The following IL1RAPL1 variants were observed in gnomAD, a reference collection of about 807,000 sequenced individuals.
The protein encoded by IL1RAPL1 is interleukin 1 receptor accessory protein like 1, also known as interleukin-1 receptor accessory protein-like 1.
A neutral mutation model predicts 48.4 loss-of-function variants in IL1RAPL1; 3 were observed. The observed-to-expected ratio is 0.06, with a 90% CI of 0.03 to 0.16. The LOEUF is 0.16. IL1RAPL1 is among the 10% of genes least tolerant of loss of function. IL1RAPL1 has a pLI of 1.00. For synonymous variants in IL1RAPL1, 185 were observed against 187.7 expected (o/e 0.99, Z 0.12); for missense variants, 349 against 530.6 (o/e 0.66, Z 3.36).
intron 6 of IL1RAPL1, among the ~76,000 whole-genome samples, chrX:29,711,069 T>TACACACACAC (rs745317897): frequency 0.031 from 2,637 of 86,281 alleles, 75 homozygotes; most frequent in African/African-American, 0.082. Context: ...TGTGTGTGTA[T>TACACACACAC]ACACACACAC....
intron 6 of IL1RAPL1, among the ~76,000 whole-genome samples, chrX:29,771,783 C>A (rs990396311): frequency 9.0e-6 from 1 of 111,586 alleles, no homozygotes. Context: ...TTTGTTCTCA[C>A]ACTGCTAATA....
intron 2 of IL1RAPL1, among the ~76,000 whole-genome samples, chrX:28,915,433 A>G (rs139925799): frequency 1.8e-5 from 2 of 112,126 alleles, no homozygotes; most frequent in East Asian, 2.8e-4. Context: ...TTCCCTTTGT[A>G]TCTTGGCCCC....
chrX:29,092,734 CTTAAT>C (rs1020057887), intron 2 of IL1RAPL1, among the ~76,000 whole-genome samples: 10 of 111,414 alleles, frequency 9.0e-5, no homozygotes, highest in Non-Finnish European at 1.9e-4. Flanking sequence ...ACATGTTTGG[CTTAAT>C]TTAAGTTAAG....
chrX:29,760,647 T>A (rs1928731633), intron 6 of IL1RAPL1, among the ~76,000 whole-genome samples: 1 of 110,841 alleles, frequency 9.0e-6, no homozygotes, highest in South Asian at 3.8e-4. Context: ...AAACACTGAT[T>A]TAGCTACTTA....
chrX:29,802,858 C>T (rs748927831), intron 6 of IL1RAPL1, among the ~76,000 whole-genome samples: 1,164 of 32,039 alleles, frequency 0.036, 231 homozygotes, highest in African/African-American at 0.095. Context: ...TGTGTATATA[C>T]GTGTACATAT....
intron 5 of IL1RAPL1, among the ~76,000 whole-genome samples, chrX:29,487,037 CTT>C (rs1273776325): frequency 1.1e-5 from 1 of 89,640 alleles, no homozygotes; most frequent in African/African-American, 4.2e-5. Flanking sequence ...GTAGACCACA[CTT>C]TTGAGTAGCG....
At chrX:28,785,347 A>G (rs1936463711) in intron 1 of IL1RAPL1, among the ~76,000 whole-genome samples, 1 of 111,739 alleles carries the variant, frequency 8.9e-6, no homozygotes. Context: ...ACTGGTCTTG[A>G]ACTCCTGGGC....
intron 1 of IL1RAPL1, among the ~76,000 whole-genome samples, chrX:28,670,075 T>C (rs987306183): frequency 9.0e-6 from 1 of 111,181 alleles, no homozygotes; most frequent in African/African-American, 3.3e-5. Flanking sequence ...TGACCAATTA[T>C]CCCATTTGCC....
At chrX:29,582,298 A>T (rs1397936259) in intron 5 of IL1RAPL1, among the ~76,000 whole-genome samples, 2 of 111,528 alleles carry the variant, frequency 1.8e-5, no homozygotes, top group Non-Finnish European at 3.8e-5. Context: ...TTAATTAATT[A>T]ATTTTTGGTA....
intron 6 of IL1RAPL1, among the ~76,000 whole-genome samples, chrX:29,698,447 G>C (rs1926970269): frequency 9.0e-6 from 1 of 111,327 alleles, no homozygotes; most frequent in Non-Finnish European, 1.9e-5. Context: ...TCTTTTCACT[G>C]TAACCACAGT....
intron 2 of IL1RAPL1, among the ~76,000 whole-genome samples, chrX:28,948,781 A>G (rs1924372681): frequency 9.0e-6 from 1 of 111,173 alleles, no homozygotes; most frequent in East Asian, 2.8e-4. Flanking sequence ...GAAACCACAG[A>G]TAGTACTGTG....
intron 1 of IL1RAPL1, among the ~76,000 whole-genome samples, chrX:28,629,128 A>C (rs778685707): frequency 4.1e-4 from 46 of 111,906 alleles, no homozygotes; most frequent in Admixed American, 3.0e-3. Flanking sequence ...CCAATGAGAC[A>C]GAATTCTCTC....
At chrX:28,640,444 C>G (rs1934521093) in intron 1 of IL1RAPL1, among the ~76,000 whole-genome samples, 1 of 110,356 alleles carries the variant, frequency 9.1e-6, no homozygotes, top group Non-Finnish European at 1.9e-5. Flanking sequence ...CCCCCAGGTT[C>G]ATGCGATCTT....
At chrX:28,750,006 G>T (rs1191604083) in intron 1 of IL1RAPL1, among the ~76,000 whole-genome samples, 1 of 107,385 alleles carries the variant, frequency 9.3e-6, no homozygotes, top group Non-Finnish European at 1.9e-5. Flanking sequence ...AGGCTGGAGT[G>T]CAGTGACACG....
chrX:28,894,093 T>C (rs111688502), intron 2 of IL1RAPL1, among the ~76,000 whole-genome samples: 7,029 of 112,148 alleles, frequency 0.063, 253 homozygotes, highest in Non-Finnish European at 0.1. Flanking sequence ...GAAGCGTTTT[T>C]TTATTAAAGA....
At chrX:29,552,304 T>C (rs773224542) in intron 5 of IL1RAPL1, among the ~76,000 whole-genome samples, 8 of 111,463 alleles carry the variant, frequency 7.2e-5, no homozygotes, top group African/African-American at 9.8e-5. Flanking sequence ...CTTTTGTCAG[T>C]TAATTTTCAG....
At chrX:29,429,582 A>C (rs16988538) in intron 5 of IL1RAPL1, among the ~76,000 whole-genome samples, 1 of 110,877 alleles carries the variant, frequency 9.0e-6, no homozygotes. Flanking sequence ...AGATATTTTC[A>C]GTGGTAGCAC....
intron 8 of IL1RAPL1, among the ~76,000 whole-genome samples, chrX:29,926,492 A>G (rs1488254100): frequency 8.9e-6 from 1 of 112,045 alleles, no homozygotes; most frequent in Non-Finnish European, 1.9e-5. Context: ...TTGTTTTCTT[A>G]ACTAAATGTT....
chrX:29,928,683 A>T (rs1932913679), intron 8 of IL1RAPL1, among the ~76,000 whole-genome samples: 1 of 112,128 alleles, frequency 8.9e-6, no homozygotes, highest in South Asian at 3.7e-4. Flanking sequence ...GCATTAAAAC[A>T]GCATTTTTGG....
Sources: gnomAD v4.1 joint callset for allele counts (sites outside exome capture counted in the v4.1 genomes callset) on GRCh38, gnomAD v4.1.1 for gene constraint, MANE v1.5 for transcripts, NCBI Gene and HGNC (gene_info 2026-07-23, HGNC 2026-07-21) for gene names.